Variants in GRM8 observed in about 807,000 individuals in gnomAD.
GRM8 encodes metabotropic glutamate receptor 8.
GRM8 carries 47 observed loss-of-function variants against 87.2 expected under a neutral mutation model. The observed-to-expected ratio is 0.54, with a 90% CI of 0.43 to 0.69. The LOEUF is 0.69. GRM8 is among the 30% of genes least tolerant of loss of function. The pLI is 0.00. For synonymous variants in GRM8, 396 were observed against 404.5 expected (o/e 0.98, Z 0.25); for missense variants, 1,019 against 1,139.2 (o/e 0.89, Z 1.52).
At chr7:126,862,317 T>C (rs2130821943) in intron 6 of GRM8, among the ~76,000 whole-genome samples, 1 of 152,136 alleles carries the variant, frequency 6.6e-6, no homozygotes, top group Admixed American at 6.5e-5. Flanking sequence ...ACAAAAATAA[T>C]AACTAGATAT....
chr7:127,166,458 G>A (rs1793458866), intron 2 of GRM8, among the ~76,000 whole-genome samples: 1 of 152,100 alleles, frequency 6.6e-6, no homozygotes, highest in Non-Finnish European at 1.5e-5. Context: ...CTGAAGTTGT[G>A]ATAAATGAAG....
At chr7:127,015,001 AAAGAAGAAG>A (rs538403014) in intron 3 of GRM8, among the ~76,000 whole-genome samples, 4,270 of 59,600 alleles carry the variant, frequency 0.072, 202 homozygotes, top group African/African-American at 0.086. Context: ...GAAGAAGAAG[AAAGAAGAAG>A]AAGAAGAAGA....
At chr7:127,133,667 C>G (rs1212739011) in intron 2 of GRM8, among the ~76,000 whole-genome samples, 1 of 136,612 alleles carries the variant, frequency 7.3e-6, no homozygotes, top group Non-Finnish European at 1.5e-5. Context: ...GATCGCGCCA[C>G]TGCACTCCAG....
intron 7 of GRM8, among the ~76,000 whole-genome samples, chr7:126,673,948 A>G (rs1029288735): frequency 6.6e-6 from 1 of 152,150 alleles, no homozygotes; most frequent in South Asian, 2.1e-4. Flanking sequence ...GATACTGCAC[A>G]CTGACTTGAG....
intron 2 of GRM8, among the ~76,000 whole-genome samples, chr7:127,172,913 GTC>G (rs1793900650): frequency 2.0e-5 from 3 of 152,064 alleles, no homozygotes; most frequent in Non-Finnish European, 4.4e-5. Context: ...CTTACTTTTT[GTC>G]TCATACAAGC....
intron 7 of GRM8, among the ~76,000 whole-genome samples, chr7:126,612,934 G>A (rs923706898): frequency 2.6e-5 from 4 of 152,116 alleles, no homozygotes; most frequent in Admixed American, 2.0e-4. Context: ...AGAAACCACG[G>A]GGAAACTTTG....
At chr7:126,863,194 A>G (rs1563259764) in intron 6 of GRM8, among the ~76,000 whole-genome samples, 1 of 152,114 alleles carries the variant, frequency 6.6e-6, no homozygotes. Context: ...TAGCTATTTA[A>G]CTTGCTTCAT....
chr7:126,453,983 C>T (rs1563023030), intron 9 of GRM8, among the ~76,000 whole-genome samples: 1 of 151,558 alleles, frequency 6.6e-6, no homozygotes, highest in Non-Finnish European at 1.5e-5. Flanking sequence ...AACTTTTGGC[C>T]CTTTATCACT....
chr7:126,541,038 T>C (rs1441292574), intron 8 of GRM8, among the ~76,000 whole-genome samples: 2 of 152,204 alleles, frequency 1.3e-5, no homozygotes, highest in East Asian at 3.8e-4. Flanking sequence ...CCATTTTGTT[T>C]AAGGCACAAA....
intron 2 of GRM8, among the ~76,000 whole-genome samples, chr7:127,144,636 C>G (rs1477000496): frequency 6.6e-6 from 1 of 152,028 alleles, no homozygotes; most frequent in African/African-American, 2.4e-5. Flanking sequence ...AAATGTTGCT[C>G]AAATGAAAAG....
chr7:126,466,754 A>G (rs901369220), intron 9 of GRM8, among the ~76,000 whole-genome samples: 8 of 151,882 alleles, frequency 5.3e-5, no homozygotes, highest in Admixed American at 2.0e-4. Flanking sequence ...CAGGCCATCA[A>G]TGGATTGGAT....
chr7:127,081,812 G>A (rs183442316), intron 3 of GRM8, among the ~76,000 whole-genome samples: 176 of 152,298 alleles, frequency 1.2e-3, no homozygotes, highest in African/African-American at 4.2e-3. Context: ...TCACCATCAC[G>A]GGTGGGAGGA....
chr7:126,937,262 G>A lies in GRM8; in HGVS notation c.728-32579C>T, dbSNP rs1480803414. Reference sequence around the variant, plus strand: ...AGAAGCCCTTAAACTGAGGGAGTTAGGAGTGGGCTACCAAACCAATAAATA... The same window carrying A: ...AGAAGCCCTTAAACTGAGGGAGTTAAGAGTGGGCTACCAAACCAATAAATA... On this transcript the variant is annotated intron_variant, in intron 3 of 10. Coordinates refer to ENST00000339582, the MANE Select transcript of GRM8 (RefSeq NM_000845.3). 3.1e-5 allele frequency among the ~76,000 whole-genome samples: 4 copies of A among 129,790 alleles called. No individual in the cohort carries two copies. In the East Asian group the frequency reaches 1.0e-3, roughly 33 times the overall value. The allele number at this position is 129,790 out of a possible 152,430, so 85.1% of individuals were successfully genotyped here. A position where few individuals can be genotyped will look rare whatever the true frequency, so the allele number is the denominator to read the frequency against.
chr7:127,022,715 T>C (rs946936990), intron 3 of GRM8, among the ~76,000 whole-genome samples: 2 of 152,106 alleles, frequency 1.3e-5, no homozygotes, highest in African/African-American at 2.4e-5. Context: ...TTAATTGTAA[T>C]GCAAGAGTAT....
At chr7:127,036,019 A>G (rs1817811181) in intron 3 of GRM8, among the ~76,000 whole-genome samples, 1 of 152,142 alleles carries the variant, frequency 6.6e-6, no homozygotes, top group South Asian at 2.1e-4. Context: ...ATTTATCAGT[A>G]TTATTGCGTT....
At chr7:126,929,095 G>A (rs972519019) in intron 3 of GRM8, among the ~76,000 whole-genome samples, 4 of 152,012 alleles carry the variant, frequency 2.6e-5, no homozygotes, top group African/African-American at 9.7e-5. Flanking sequence ...GAAAACGAAA[G>A]GAACAAGAAA....
intron 7 of GRM8, among the ~76,000 whole-genome samples, chr7:126,634,837 T>C (rs377498448): frequency 5.9e-5 from 9 of 152,194 alleles, no homozygotes; most frequent in Admixed American, 2.6e-4. Context: ...AGTGATTTTA[T>C]CTCCAAAGCA....
In GRM8 at chr7:126,870,686, C is replaced by T. The variant is rs146460150; in HGVS notation, c.1156+31856G>A. Among the ~76,000 whole-genome samples, 791 of 152,142 alleles carry T rather than the reference C, an allele frequency of 5.2e-3. 5 individuals carry two copies. Among genetic ancestry groups the T allele is most frequent in the African/African-American group, 0.018 (728 of 41,512 alleles). On this transcript the variant is annotated intron_variant, in intron 6 of 10. Coordinates refer to ENST00000339582, the MANE Select transcript of GRM8 (RefSeq NM_000845.3). ...ACCAGAGATAGGGTTCGTAGTGCCC[C>T]CAAACAATTACAACAGTAACATCAA...
chr7:127,139,119 G>A (rs936751967), intron 2 of GRM8, among the ~76,000 whole-genome samples: 2 of 152,060 alleles, frequency 1.3e-5, no homozygotes, highest in African/African-American at 2.4e-5. Context: ...CTACTTTGTC[G>A]TGCTGACTTC....
Sources: allele counts gnomAD v4.1 joint callset (sites outside exome capture counted in the v4.1 genomes callset), GRCh38; gene constraint gnomAD v4.1.1; transcripts MANE v1.5; gene names NCBI Gene and HGNC (gene_info 2026-07-23, HGNC 2026-07-21).